The following PEPD variants were observed in gnomAD, a reference collection of about 807,000 sequenced individuals.
PEPD encodes peptidase D.
Under a neutral mutation model 60.7 loss-of-function variants are expected in PEPD, and 53 were observed. The observed-to-expected ratio is 0.87, with a 90% CI of 0.70 to 1.10. The LOEUF (loss-of-function observed/expected upper bound fraction) is 1.10. Ranked by LOEUF, PEPD falls within the 50% of genes least tolerant of loss-of-function variation. PEPD has a pLI of 0.00. For missense variants in PEPD, 711 were observed against 711.9 expected, an observed-to-expected ratio of 1.00 and a Z score of 0.01; for synonymous variants, 267 against 284.1, an observed-to-expected ratio of 0.94 and a Z score of 0.60.
At chr19:33,487,049 T>C (rs761346058) in intron 6 of PEPD, 3 of 152,196 alleles carry the variant, frequency 2.0e-5, no homozygotes, top group Non-Finnish European at 2.9e-5. Flanking sequence ...CAGCTGCGTA[T>C]TGGAGAGGAG....
At chr19:33,513,314 C>A (rs1463682558) in intron 1 of PEPD, among the ~76,000 whole-genome samples, 3 of 152,092 alleles carry the variant, frequency 2.0e-5, no homozygotes, top group Admixed American at 6.5e-5. Context: ...GGACCATCTG[C>A]ATCTGCAGAC....
intron 3 of PEPD, among the ~76,000 whole-genome samples, chr19:33,504,161 T>C (rs1970759343): frequency 6.6e-6 from 1 of 152,234 alleles, no homozygotes; most frequent in African/African-American, 2.4e-5. Context: ...GGGGGCTAAT[T>C]ATAGTAAAAA....
intron 3 of PEPD, 47 bp from the exon 4 acceptor site, chr19:33,501,048 C>G: frequency 8.9e-7 from 1 of 1,125,370 alleles, no homozygotes; most frequent in Admixed American, 1.7e-5. Context: ...TTGGTAATGG[C>G]TCAGCATGGC....
intron 11 of PEPD, among the ~76,000 whole-genome samples, chr19:33,410,088 G>C (rs1968728623): frequency 6.6e-6 from 1 of 152,238 alleles, no homozygotes; most frequent in South Asian, 2.1e-4. Flanking sequence ...AGTGAACCAG[G>C]ATCCGTGGAG....
chr19:33,500,006 A>C (rs1045826662), intron 4 of PEPD, among the ~76,000 whole-genome samples: 1 of 152,220 alleles, frequency 6.6e-6, no homozygotes, highest in African/African-American at 2.4e-5. Context: ...GGCCGCCAGA[A>C]CTGGCTCCCC....
At chr19:33,408,196 C>T (rs954696773) in intron 11 of PEPD, among the ~76,000 whole-genome samples, 2 of 152,256 alleles carry the variant, frequency 1.3e-5, no homozygotes, top group African/African-American at 4.8e-5. Context: ...AGACACGGAA[C>T]AGGACAACCA....
Position 33,478,091 on chromosome 19 carries a change from C to G in PEPD, c.504-1G>C. The stretch of plus-strand genomic sequence containing the variant: ...AAGAATGGTATTGTTGACTTCGAAC[C>G]TGTAGGGCGAAAAGAAATCAAGCCC... On this transcript the variant is annotated splice_acceptor_variant, in intron 6 of 14. Transcript: ENST00000244137. LOFTEE classifies it high-confidence loss of function. 6.2e-7 allele frequency: 1 copy of G among 1,607,406 alleles called. No homozygotes were observed. The highest frequency in any genetic ancestry group is 1.3e-5 in the African/African-American group (1 of 74,908).
intron 11 of PEPD, among the ~76,000 whole-genome samples, chr19:33,410,706 G>C (rs958721582): frequency 3.9e-5 from 6 of 152,190 alleles, no homozygotes; most frequent in African/African-American, 1.4e-4. Context: ...AGGCTTGTTC[G>C]GGTGCATCTG....
At chr19:33,499,852 G>A (rs1232382617) in intron 4 of PEPD, among the ~76,000 whole-genome samples, 5 of 152,246 alleles carry the variant, frequency 3.3e-5, no homozygotes, top group Admixed American at 6.5e-5. Context: ...TGGATGGGCC[G>A]GGCTGGGCCC....
rs370471235 is a variant in PEPD at position 33,387,498 on chromosome 19, G to C, written c.1345-17C>G. On this transcript the variant is annotated splice_polypyrimidine_tract_variant and intron_variant, in intron 14 of 14. Transcript: ENST00000244137. Reference sequence around the variant, plus strand: ...GATGCGGACCTGGGTCAAGCCGACAGACACACATTATCATAGAGCAGCCTC... The same window carrying C: ...GATGCGGACCTGGGTCAAGCCGACACACACACATTATCATAGAGCAGCCTC... 4.2e-5 allele frequency: 68 copies of C among 1,612,912 alleles called. 1 individual carries two copies. Among genetic ancestry groups the C allele is most frequent in the Middle Eastern group, 1.6e-4 (1 of 6,084 alleles).
intron 9 of PEPD, among the ~76,000 whole-genome samples, chr19:33,451,505 A>G (rs530348440): frequency 1.3e-5 from 2 of 152,330 alleles, no homozygotes; most frequent in South Asian, 4.1e-4. Context: ...TTCCAAAGAT[A>G]GAAAAACTTT....
At chr19:33,510,988 T>C in intron 3 of PEPD, 40 bp downstream of exon 3, 1 of 1,294,210 alleles carries the variant, frequency 7.7e-7, no homozygotes, top group South Asian at 1.2e-5. Flanking sequence ...CCCCAGCCCA[T>C]GGTTGGTAGC....
At chr19:33,477,345 T>G (rs971385635) in intron 7 of PEPD, 1 of 158,154 alleles carries the variant, frequency 6.3e-6, no homozygotes, top group Non-Finnish European at 1.4e-5. Flanking sequence ...GGGTCATATG[T>G]GAGAAGGCTA....
intron 4 of PEPD, among the ~76,000 whole-genome samples, chr19:33,500,170 C>T (rs767675076): frequency 6.6e-6 from 1 of 152,226 alleles, no homozygotes; most frequent in Non-Finnish European, 1.5e-5. Context: ...GGGTGCTTCA[C>T]ATTCTACACG....
At chr19:33,437,763 G>T (rs867202319) in intron 9 of PEPD, among the ~76,000 whole-genome samples, 5 of 152,204 alleles carry the variant, frequency 3.3e-5, no homozygotes, top group Non-Finnish European at 7.3e-5. Flanking sequence ...GGAGACTTGG[G>T]GGGGCGGTGG....
chr19:33,391,186 T>A (rs1968208935), intron 13 of PEPD, 109 bp downstream of exon 13: 4 of 900,742 alleles, frequency 4.4e-6, no homozygotes, highest in Non-Finnish European at 5.4e-6. Context: ...GGCCCATCCC[T>A]GCCATCCCAA....
chr19:33,512,035 T>G (rs1970937212), intron 2 of PEPD, among the ~76,000 whole-genome samples: 1 of 152,064 alleles, frequency 6.6e-6, no homozygotes, highest in African/African-American at 2.4e-5. Context: ...CATTCCCATC[T>G]CTCCTCTTGC....
rs370458112 is a variant in PEPD at position 33,487,699 on chromosome 19, G to A, written c.503+2297C>T. ...TCAGAGATTGGAGAGGTACCAGCCC[G>A]GTGCCTGGGGAGATGGTGCAAAAGT... On this transcript the variant is annotated intron_variant, in intron 6 of 14. Transcript: ENST00000244137. Among the ~76,000 whole-genome samples the A allele has an allele frequency of 3.9e-3, 594 of 152,272 alleles. 6 individuals carry two copies. Among genetic ancestry groups the A allele is most frequent in the African/African-American group, 0.013 (560 of 41,552 alleles).
chr19:33,401,820 A>G lies in PEPD; in HGVS notation c.868T>C (p.Cys290Arg), dbSNP rs775640182. The change falls in exon 12 of 15, where the codon TGC (cysteine) becomes CGC (arginine). Residue 290 changes from cysteine to arginine, a missense_variant. Coordinates refer to ENST00000244137, the MANE Select transcript of PEPD (RefSeq NM_000285.4). ...EYYCFASDIT[C>R]SFPANGKFTA... Reference sequence around the variant, plus strand: ...AACTTGCCGTTGGCGGGAAAGGAGCAGGTGATGTCGGAAGCGAAGCAGTAA... The same window carrying G: ...AACTTGCCGTTGGCGGGAAAGGAGCGGGTGATGTCGGAAGCGAAGCAGTAA... 1 of 1,613,152 alleles carries G rather than the reference A, an allele frequency of 6.2e-7. No homozygotes were observed. The highest frequency in any genetic ancestry group is 1.3e-5 in the African/African-American group (1 of 74,936).
Sources: gnomAD v4.1 joint callset for allele counts (sites outside exome capture counted in the v4.1 genomes callset) on GRCh38, gnomAD v4.1.1 for gene constraint, MANE v1.5 for transcripts, NCBI Gene and HGNC (gene_info 2026-07-23, HGNC 2026-07-21) for gene names.